The following CELF2 variants were observed in gnomAD, a reference collection of about 807,000 sequenced individuals.
CELF2 encodes CUGBP Elav-like family member 2.
A neutral mutation model predicts 62.6 loss-of-function variants in CELF2; 8 were observed. The ratio of observed to expected loss-of-function variants is 0.13; its 90% CI spans 0.07 to 0.23. CELF2 has a LOEUF of 0.23. Among genes scored for constraint, CELF2 ranks in the 10% least tolerant of loss-of-function variants. The probability of loss-of-function intolerance (pLI) is 1.00; values close to 1 mark genes in which losing one functional copy is unlikely to be tolerated. For missense variants in CELF2, 333 were observed against 671.0 expected, an observed-to-expected ratio of 0.50 and a Z score of 5.56; for synonymous variants, 258 against 250.0, an observed-to-expected ratio of 1.03 and a Z score of -0.30.
At chr10:10,882,137 T>A (rs981357809) in intron 1 of CELF2, among the ~76,000 whole-genome samples, 1 of 152,228 alleles carries the variant, frequency 6.6e-6, no homozygotes, top group African/African-American at 2.4e-5. Flanking sequence ...GTTATCAACA[T>A]TGTTTAGACT....
At chr10:11,096,077 A>T (rs984209453) in intron 1 of CELF2, among the ~76,000 whole-genome samples, 4 of 152,218 alleles carry the variant, frequency 2.6e-5, no homozygotes, top group African/African-American at 9.7e-5. Context: ...AAAACAAACA[A>T]GTAGCCTCAT....
the CELF2 span, among the ~76,000 whole-genome samples, chr10:10,680,338 G>A: frequency 1.3e-5 from 2 of 152,218 alleles, no homozygotes; most frequent in Admixed American, 1.3e-4. Flanking sequence ...TCACTAAAGT[G>A]CTCATACTCA....
chr10:11,230,505 A>G (rs2136350791), intron 3 of CELF2, among the ~76,000 whole-genome samples: 1 of 152,308 alleles, frequency 6.6e-6, no homozygotes, highest in African/African-American at 2.4e-5. Context: ...TACCAAAGTC[A>G]AGAGAGATCC....
chr10:11,256,490 G>C (rs1237088128), intron 4 of CELF2, among the ~76,000 whole-genome samples: 1 of 150,824 alleles, frequency 6.6e-6, no homozygotes, highest in Non-Finnish European at 1.5e-5. Context: ...AGATTCAAAA[G>C]AAATAGGTAT....
At chr10:10,974,215 G>T (rs539446052) in intron 2 of CELF2, among the ~76,000 whole-genome samples, 1 of 152,274 alleles carries the variant, frequency 6.6e-6, no homozygotes, top group African/African-American at 2.4e-5. Context: ...TTCAATAAAT[G>T]GTGGTTAATA....
chr10:10,753,028 A>G, the CELF2 span, among the ~76,000 whole-genome samples: 1 of 152,178 alleles, frequency 6.6e-6, no homozygotes, highest in Non-Finnish European at 1.5e-5. Flanking sequence ...TGAATTGTAA[A>G]ATCTACGTTG....
chr10:10,539,199 A>G, the CELF2 span, among the ~76,000 whole-genome samples: 1 of 152,236 alleles, frequency 6.6e-6, no homozygotes, highest in Non-Finnish European at 1.5e-5. Flanking sequence ...TTGTCATCTG[A>G]GACTTATTTT....
chr10:11,134,819 T>C (rs1379886802), intron 1 of CELF2, among the ~76,000 whole-genome samples: 1 of 152,172 alleles, frequency 6.6e-6, no homozygotes, highest in Non-Finnish European at 1.5e-5. Flanking sequence ...GAGTTCCTCC[T>C]GATAGGAAGT....
chr10:10,781,047 A>T, the CELF2 span, among the ~76,000 whole-genome samples: 1 of 152,318 alleles, frequency 6.6e-6, no homozygotes, highest in Non-Finnish European at 1.5e-5. Context: ...AATTCCACAA[A>T]GAAAGCACGT....
At chr10:11,175,986 G>A (rs1447264625) in intron 2 of CELF2, among the ~76,000 whole-genome samples, 1 of 152,178 alleles carries the variant, frequency 6.6e-6, no homozygotes, top group Non-Finnish European at 1.5e-5. Context: ...CATGTCCGTT[G>A]CACACATGCA....
At position 11,321,311 on chromosome 10, in the gene CELF2, G is replaced by T. The variant is rs751759073; in HGVS notation, c.1219G>T (p.Ala407Ser). The T allele has an allele frequency of 6.2e-7, 1 of 1,613,090 alleles. No individual in the cohort carries two copies. Among genetic ancestry groups the T allele is most frequent in the South Asian group, 1.1e-5 (1 of 91,086 alleles). ...GGCCTACTCAGGAATTCAACAGTAC[G>T]CAGCCGCCGCGCTGCCCACTCTGTA... ...TQAYSGIQQY[A>S]AAALPTLYSQ... The change falls in exon 11 of 13, where the codon GCA (alanine) becomes TCA (serine). Residue 407 changes from alanine to serine, a missense_variant. Transcript: ENST00000633077. This position sits in a 1 kb window ranked among gnomAD's most constrained non-coding sequence, Gnocchi z 6.2.
At chr10:10,607,389 T>C in the CELF2 span, among the ~76,000 whole-genome samples, 2 of 152,216 alleles carry the variant, frequency 1.3e-5, no homozygotes, top group Admixed American at 1.3e-4. Flanking sequence ...TGACTCCCAT[T>C]TGTAACTTGT....
At chr10:11,254,473 T>A (rs1351714382) in intron 4 of CELF2, among the ~76,000 whole-genome samples, 3 of 152,258 alleles carry the variant, frequency 2.0e-5, no homozygotes, top group Non-Finnish European at 4.4e-5. Flanking sequence ...ATCTTTCTTC[T>A]TGTTGCCTGG....
At chr10:10,545,945 C>T in the CELF2 span, among the ~76,000 whole-genome samples, 1 of 152,250 alleles carries the variant, frequency 6.6e-6, no homozygotes, top group Non-Finnish European at 1.5e-5. Flanking sequence ...GGGATAGCTC[C>T]TCCTCAGAGG....
chr10:11,262,135 A>G (rs2138120743), intron 5 of CELF2, among the ~76,000 whole-genome samples: 1 of 152,310 alleles, frequency 6.6e-6, no homozygotes, highest in Middle Eastern at 3.4e-3. Context: ...ATGGTGTTCC[A>G]ACATTCCCCT....
chr10:10,591,613 T>C, the CELF2 span, among the ~76,000 whole-genome samples: 6,043 of 152,326 alleles, frequency 0.04, 226 homozygotes, highest in South Asian at 0.091. Flanking sequence ...ATGTATATTT[T>C]ATTAAAAATT....
At chr10:10,590,175 A>T in the CELF2 span, among the ~76,000 whole-genome samples, 4 of 152,338 alleles carry the variant, frequency 2.6e-5, no homozygotes, top group East Asian at 5.8e-4. Context: ...ACACACACAC[A>T]CACAGGCTTT....
At chr10:10,542,050 T>C in the CELF2 span, among the ~76,000 whole-genome samples, 12 of 152,210 alleles carry the variant, frequency 7.9e-5, no homozygotes, top group Non-Finnish European at 1.8e-4. Flanking sequence ...ATTTGCATCT[T>C]AATAGGATAT....
the CELF2 span, among the ~76,000 whole-genome samples, chr10:10,463,526 T>C: frequency 6.6e-6 from 1 of 152,202 alleles, no homozygotes; most frequent in Non-Finnish European, 1.5e-5. Flanking sequence ...AAAATGCAAC[T>C]CTGGCTACTA....
Sources: gnomAD v4.1 joint callset for allele counts (sites outside exome capture counted in the v4.1 genomes callset) on GRCh38, gnomAD v4.1.1 for gene constraint, Gnocchi (gnomAD v3.1) non-coding constraint, MANE v1.5 for transcripts, NCBI Gene and HGNC (gene_info 2026-07-23, HGNC 2026-07-21) for gene names.